STARD8: variants seen among roughly 807,000 people sequenced by gnomAD.
STARD8 encodes stAR-related lipid transfer protein 8.
A neutral mutation model predicts 69.4 loss-of-function variants in STARD8; 25 were observed. The observed-to-expected ratio is 0.36, with a 90% confidence interval of 0.26 to 0.50. The LOEUF is 0.50. Among genes scored for constraint, STARD8 ranks in the 20% least tolerant of loss-of-function variants. STARD8 has a pLI of 0.96. For missense variants in STARD8, 921 were observed against 932.5 expected (o/e 0.99, Z 0.16); for synonymous variants, 389 against 374.6 (o/e 1.04, Z -0.45).
At chrX:68,674,957 ATTT>A (rs770593904) in intron 2 of STARD8, among the ~76,000 whole-genome samples, 2 of 53,836 alleles carry the variant, frequency 3.7e-5, no homozygotes, top group Admixed American at 2.1e-4. Context: ...TAATTTTTGT[ATTT>A]TTTTTTTTTT....
At position 68,673,717 on chromosome X, in the gene STARD8, A is replaced by C. The variant is rs768695037; in HGVS notation, c.79+8185A>C. Among the ~76,000 whole-genome samples the C allele has an allele frequency of 2.7e-5, 3 of 112,077 alleles. No homozygotes were observed. In the South Asian group the frequency reaches 1.1e-3, roughly 42 times the overall value. ...CTGGAAGGAAACCAGCTCTGCCTAC[A>C]ATCTGGAGCTTCTACAGGTACACAT... On this transcript the variant is annotated intron_variant, in intron 2 of 14. Coordinates refer to ENST00000374599, the MANE Select transcript of STARD8 (RefSeq NM_001142503.3).
chrX:68,661,974 T>TCTC (rs1569353791), intron 1 of STARD8, among the ~76,000 whole-genome samples: 1 of 35,005 alleles, frequency 2.9e-5, no homozygotes, highest in Non-Finnish European at 5.8e-5. Flanking sequence ...CTCTCTCTCT[T>TCTC]TCTTTCTTTC....
intron 1 of STARD8, among the ~76,000 whole-genome samples, chrX:68,663,222 C>T (rs1023850375): frequency 8.9e-6 from 1 of 111,817 alleles, no homozygotes; most frequent in Admixed American, 9.5e-5. Context: ...TTTCAGCTAC[C>T]AAAATAGCAT....
Position 68,695,197 on chromosome X carries a change from C to T in STARD8, c.80-17717C>T, listed in dbSNP as rs534258581. Among the ~76,000 whole-genome samples the T allele has an allele frequency of 2.0e-4, 22 of 108,894 alleles. No homozygotes were observed. In the South Asian group the frequency reaches 9.0e-3, roughly 44 times the overall value. 94.6% of individuals were successfully genotyped at this position (108,894 alleles called of 115,157 possible). Reference sequence around the variant, plus strand: ...CGGATGCGATGGGAAGGTGGGCAGCCCAAAGGCATGGAGAAGAAGGCTGCA... The same window carrying T: ...CGGATGCGATGGGAAGGTGGGCAGCTCAAAGGCATGGAGAAGAAGGCTGCA... On this transcript the variant is annotated intron_variant, in intron 2 of 14. Transcript: ENST00000374599.
intron 2 of STARD8, among the ~76,000 whole-genome samples, chrX:68,683,095 G>A (rs2079810502): frequency 8.9e-6 from 1 of 112,349 alleles, no homozygotes; most frequent in Non-Finnish European, 1.9e-5. Flanking sequence ...ATCGATATAG[G>A]GAAAGGGGCA....
At chrX:68,714,975 C>T (rs2080079770) in intron 3 of STARD8, among the ~76,000 whole-genome samples, 1 of 111,725 alleles carries the variant, frequency 9.0e-6, no homozygotes, top group Non-Finnish European at 1.9e-5. Context: ...GCCTGAGCAG[C>T]CCAGGATTCA....
chrX:68,690,382 G>T (rs1402294286), intron 2 of STARD8, among the ~76,000 whole-genome samples: 1 of 109,694 alleles, frequency 9.1e-6, no homozygotes, highest in African/African-American at 3.4e-5. Flanking sequence ...CCAGAGTGGG[G>T]GCATGGGTCT....
At chrX:68,653,396 A>C (rs1238340369) in intron 1 of STARD8, among the ~76,000 whole-genome samples, 3 of 48,533 alleles carry the variant, frequency 6.2e-5, no homozygotes, top group African/African-American at 7.8e-5. Context: ...CACACACCCC[A>C]CACACACCAC....
At chrX:68,665,476 C>T in intron 1 of STARD8, 23 bp from the exon 2 acceptor site, 1 of 1,199,819 alleles carries the variant, frequency 8.3e-7, no homozygotes, top group Non-Finnish European at 1.1e-6. Context: ...AATGCCTTGA[C>T]TTCTTCTCTG....
chrX:68,656,869 AG>A (rs2079614385), intron 1 of STARD8, among the ~76,000 whole-genome samples: 1 of 109,304 alleles, frequency 9.1e-6, no homozygotes, highest in Admixed American at 9.8e-5. Context: ...GGGGTGGAGG[AG>A]GGGGGAGGGA....
chrX:68,723,868 T>A, intron 13 of STARD8, 25 bp downstream of exon 13: 1 of 1,205,714 alleles, frequency 8.3e-7, no homozygotes, highest in Non-Finnish European at 1.1e-6. Context: ...CTGCTACCCT[T>A]CTGTGCTTGG....
intron 13 of STARD8, 48 bp from the exon 14 acceptor site, chrX:68,723,897 T>G: frequency 8.3e-7 from 1 of 1,206,162 alleles, no homozygotes; most frequent in Non-Finnish European, 1.1e-6. Flanking sequence ...AGAAGTGGGG[T>G]GGAAACCAGC....
chrX:68,724,615 C>T lies in STARD8; in HGVS notation c.*193C>T, dbSNP rs192780548. ...AGAGGGGAGAAAAAGAGAATTTAGG[C>T]AACTCCACTCCCCCTTCACCCCCAA... On this transcript the variant is annotated 3_prime_UTR_variant, in exon 15 of 15. Coordinates refer to ENST00000374599, the MANE Select transcript of STARD8 (RefSeq NM_001142503.3). 2.5e-6 allele frequency: 1 copy of T among 405,324 alleles called. No homozygotes were observed. Among genetic ancestry groups the T allele is most frequent in the African/African-American group, 2.5e-5 (1 of 39,941 alleles). 33.4% of individuals were successfully genotyped at this position (405,324 alleles called of 1,213,427 possible).
At chrX:68,680,190 C>T (rs181940034) in intron 2 of STARD8, among the ~76,000 whole-genome samples, 12 of 111,811 alleles carry the variant, frequency 1.1e-4, no homozygotes, top group East Asian at 2.8e-4. Context: ...ACTCAGGCTC[C>T]GTGCAAGCCT....
chrX:68,722,752 A>C, intron 12 of STARD8, 106 bp downstream of exon 12: 1 of 785,061 alleles, frequency 1.3e-6, no homozygotes, highest in Non-Finnish European at 1.8e-6. Context: ...CTGCCGCCTG[A>C]GTCTCGCTGT....
At chrX:68,674,288 C>T (rs1443083550) in intron 2 of STARD8, among the ~76,000 whole-genome samples, 2 of 90,399 alleles carry the variant, frequency 2.2e-5, no homozygotes, top group Admixed American at 1.2e-4. Flanking sequence ...AGCAAAACTC[C>T]GTCTCAAAAA....
In STARD8 at chrX:68,647,880, A is replaced by G. The variant is rs765195301; in HGVS notation, c.-3A>G. On this transcript the variant is annotated 5_prime_UTR_variant, in exon 1 of 15. Transcript: ENST00000374599. ...CGGCCCTAGAAGCTCCCCACGCGCC[A>G]CCATGCCTCTGCTGGACGTTTTCTG... 1.8e-5 allele frequency: 22 copies of G among 1,197,556 alleles called. No individual in the cohort carries two copies. The highest frequency in any genetic ancestry group is 2.5e-5 in the Non-Finnish European group (22 of 888,796).
chrX:68,693,532 G>A, intron 2 of STARD8: 1 of 532,567 alleles, frequency 1.9e-6, no homozygotes, highest in Non-Finnish European at 2.3e-6. Context: ...ACCCAGATTT[G>A]GGTGACTTTC....
At chrX:68,653,389 A>AC (rs2079585071) in intron 1 of STARD8, among the ~76,000 whole-genome samples, 2 of 49,526 alleles carry the variant, frequency 4.0e-5, no homozygotes, top group Non-Finnish European at 3.8e-5. Flanking sequence ...CCACACACAC[A>AC]CACCCCACAC....
Sources: gnomAD v4.1 joint callset for allele counts (sites outside exome capture counted in the v4.1 genomes callset) on GRCh38, gnomAD v4.1.1 for gene constraint, MANE v1.5 for transcripts, NCBI Gene and HGNC (gene_info 2026-07-23, HGNC 2026-07-21) for gene names.